TTC28: variants seen among roughly 807,000 people sequenced by gnomAD.
The protein encoded by TTC28 is tetratricopeptide repeat domain 28, also known as tetratricopeptide repeat protein 28.
A neutral mutation model predicts 198.0 loss-of-function variants in TTC28; 61 were observed. That is an observed-to-expected ratio of 0.31 (90% CI 0.25 to 0.38). TTC28 has a LOEUF of 0.38. Ranked by LOEUF, TTC28 falls within the 10% of genes least tolerant of loss-of-function variation. The pLI is 1.00. For missense variants in TTC28, 2,678 were observed against 3,164.0 expected (o/e 0.85, Z 3.69); for synonymous variants, 1,171 against 1,297.8 (o/e 0.90, Z 2.10).
chr22:28,425,841 C>G (rs933291458), intron 2 of TTC28, among the ~76,000 whole-genome samples: 1 of 152,152 alleles, frequency 6.6e-6, no homozygotes, highest in African/African-American at 2.4e-5. Context: ...AACAATATCT[C>G]TTCAGTCTTG....
At chr22:28,368,813 T>TA (rs780299219) in intron 2 of TTC28, among the ~76,000 whole-genome samples, 5 of 151,848 alleles carry the variant, frequency 3.3e-5, no homozygotes, top group African/African-American at 2.4e-5. Flanking sequence ...CAGATAAAAT[T>TA]AAATACCTAG....
At chr22:28,454,740 T>G (rs1568954142) in intron 2 of TTC28, among the ~76,000 whole-genome samples, 1 of 152,186 alleles carries the variant, frequency 6.6e-6, no homozygotes, top group Non-Finnish European at 1.5e-5. Context: ...CAAATAAATT[T>G]AACACACTTT....
chr22:28,373,390 A>C (rs2046365625), intron 2 of TTC28, among the ~76,000 whole-genome samples: 1 of 152,170 alleles, frequency 6.6e-6, no homozygotes, highest in Admixed American at 6.5e-5. Context: ...AATCAAGGGG[A>C]ATATGCTAGG....
Position 28,550,103 on chromosome 22 carries a change from C to G in TTC28, c.381+79449G>C, listed in dbSNP as rs76438838. On this transcript the variant is annotated intron_variant, in intron 2 of 22. Coordinates refer to ENST00000397906, the MANE Select transcript of TTC28 (RefSeq NM_001145418.2). Reference sequence around the variant, plus strand: ...TCTTCCAGTGATGAGATGCAACAGTCTAACAGATAACATTTGCCATTTTCA... The same window carrying G: ...TCTTCCAGTGATGAGATGCAACAGTGTAACAGATAACATTTGCCATTTTCA... Among the ~76,000 whole-genome samples, 460 of 152,188 alleles carry G rather than the reference C, an allele frequency of 3.0e-3. 4 individuals carry two copies. Among genetic ancestry groups the G allele is most frequent in the African/African-American group, 0.011 (439 of 41,542 alleles).
chr22:28,065,167 C>T (rs1380024801), intron 12 of TTC28, among the ~76,000 whole-genome samples: 2 of 152,130 alleles, frequency 1.3e-5, no homozygotes, highest in Non-Finnish European at 1.5e-5. Context: ...TCTTACCATG[C>T]TAGGGTATTT....
intron 2 of TTC28, among the ~76,000 whole-genome samples, chr22:28,336,139 G>A (rs1391672246): frequency 2.6e-5 from 4 of 152,118 alleles, no homozygotes; most frequent in East Asian, 1.9e-4. Flanking sequence ...GCTGGATTAC[G>A]TTTATTGATT....
At chr22:28,431,716 G>A (rs552628403) in intron 2 of TTC28, among the ~76,000 whole-genome samples, 19 of 152,256 alleles carry the variant, frequency 1.2e-4, no homozygotes, top group African/African-American at 4.1e-4. Context: ...AGTGCCGCAC[G>A]CCTGTAATCC....
At chr22:28,210,696 C>A (rs891219412) in intron 5 of TTC28, among the ~76,000 whole-genome samples, 1 of 152,122 alleles carries the variant, frequency 6.6e-6, no homozygotes, top group African/African-American at 2.4e-5. Flanking sequence ...GAGAATGGAA[C>A]CAAGTTGGAA....
At chr22:28,338,983 T>G (rs2045781043) in intron 2 of TTC28, among the ~76,000 whole-genome samples, 1 of 152,046 alleles carries the variant, frequency 6.6e-6, no homozygotes, top group African/African-American at 2.4e-5. Flanking sequence ...TTCTGCTCTG[T>G]TTTTTCCCCA....
At chr22:28,524,487 G>A (rs1017856302) in intron 2 of TTC28, among the ~76,000 whole-genome samples, 6 of 150,072 alleles carry the variant, frequency 4.0e-5, no homozygotes, top group African/African-American at 7.4e-5. Context: ...AATATTCAAC[G>A]GTATCCAGAC....
intron 5 of TTC28, among the ~76,000 whole-genome samples, chr22:28,174,537 ATAT>A (rs1187683503): frequency 6.6e-6 from 1 of 152,164 alleles, no homozygotes; most frequent in Non-Finnish European, 1.5e-5. Context: ...TCTTCTGCAA[ATAT>A]ATGCATAAGA....
chr22:28,134,414 C>A (rs1943148213), intron 6 of TTC28, among the ~76,000 whole-genome samples: 1 of 152,098 alleles, frequency 6.6e-6, no homozygotes, highest in Admixed American at 6.6e-5. Context: ...CTTCTCCGAA[C>A]TAAAGGAGGA....
At chr22:28,067,363 G>A (rs1485701741) in intron 12 of TTC28, among the ~76,000 whole-genome samples, 3 of 152,092 alleles carry the variant, frequency 2.0e-5, no homozygotes, top group African/African-American at 7.2e-5. Flanking sequence ...TCTGACAAAC[G>A]TTTCCTGAAT....
Position 27,996,248 on chromosome 22 carries a change from T to C in TTC28, c.5131A>G (p.Ile1711Val). The stretch of plus-strand genomic sequence containing the variant: ...CTGTTCAGCTTAACGTCACTCCCGA[T>C]GAGCATGAACCCTGCAGAAAGCAAA... Reference protein sequence around the residue: ...HPSNWAGFMLIGSDVKLNSPS... With the variant: ...HPSNWAGFMLVGSDVKLNSPS... Residue 1711 changes from isoleucine (I) to valine (V), a missense_variant, in exon 17 of 23, where the codon ATC becomes GTC. Ile to Val is a conservative substitution (Grantham distance 29). This residue lies in a region of TTC28 where 314 missense variants were observed against 442.7 expected (regional missense o/e 0.71). Coordinates refer to ENST00000397906, the MANE Select transcript of TTC28 (RefSeq NM_001145418.2). The C allele has an allele frequency of 6.4e-7, 1 of 1,550,986 alleles. No individual in the cohort carries two copies. The highest frequency in any genetic ancestry group is 8.7e-7 in the Non-Finnish European group (1 of 1,146,970).
At chr22:28,211,302 T>C (rs1926934727) in intron 5 of TTC28, among the ~76,000 whole-genome samples, 1 of 152,068 alleles carries the variant, frequency 6.6e-6, no homozygotes, top group African/African-American at 2.4e-5. Context: ...TAAATGTAAA[T>C]GGGTTAAATG....
intron 2 of TTC28, among the ~76,000 whole-genome samples, chr22:28,620,381 C>G (rs2050975348): frequency 6.6e-6 from 1 of 151,684 alleles, no homozygotes; most frequent in Admixed American, 6.6e-5. Flanking sequence ...GAAACAATAG[C>G]CAACATCATA....
At chr22:28,552,938 C>T (rs2049708380) in intron 2 of TTC28, among the ~76,000 whole-genome samples, 4 of 152,280 alleles carry the variant, frequency 2.6e-5, no homozygotes, top group African/African-American at 9.6e-5. Context: ...AGGCGCGCGC[C>T]ACCATGCCTG....
At chr22:28,604,297 T>TTATATATATATATATATATATATATATA (rs35077140) in intron 2 of TTC28, among the ~76,000 whole-genome samples, 14 of 114,102 alleles carry the variant, frequency 1.2e-4, no homozygotes, top group African/African-American at 2.5e-4. Context: ...AAAAAAAAAA[T>TTATATATATATATATATATATATATATA]TATATATATA....
chr22:28,546,214 G>C (rs998083094), intron 2 of TTC28, among the ~76,000 whole-genome samples: 1 of 152,216 alleles, frequency 6.6e-6, no homozygotes, highest in Non-Finnish European at 1.5e-5. Flanking sequence ...AAAGGTACCA[G>C]GTGTGGTGGC....
Sources: gnomAD v4.1 joint callset for allele counts (sites outside exome capture counted in the v4.1 genomes callset) on GRCh38, gnomAD v4.1.1 for gene constraint, gnomAD v4.1.1 regional missense constraint, MANE v1.5 for transcripts, NCBI Gene and HGNC (gene_info 2026-07-23, HGNC 2026-07-21) for gene names.